The following CTNNA3 variants were observed in gnomAD, a reference collection of about 807,000 sequenced individuals.
The protein encoded by CTNNA3 is catenin alpha-3.
In CTNNA3, 76 loss-of-function variants were observed where a neutral mutation model predicts 95.7. The ratio of observed to expected loss-of-function variants is 0.79; its 90% confidence interval spans 0.66 to 0.96. The LOEUF (loss-of-function observed/expected upper bound fraction) is 0.96. Ranked by LOEUF, CTNNA3 falls within the 40% of genes least tolerant of loss-of-function variation. The probability of loss-of-function intolerance (pLI) is 0.00; values close to 1 mark genes in which losing one functional copy is unlikely to be tolerated. For missense variants in CTNNA3, 1,191 were observed against 1,089.8 expected (o/e 1.09, Z -1.31); for synonymous variants, 431 against 374.4 (o/e 1.15, Z -1.74).
intron 7 of CTNNA3, among the ~76,000 whole-genome samples, chr10:67,016,908 A>C (rs1056632070): frequency 2.6e-5 from 4 of 152,182 alleles, no homozygotes; most frequent in Non-Finnish European, 4.4e-5. Flanking sequence ...ATATCCTATC[A>C]AAATAAGTTT....
At chr10:65,994,770 T>C (rs1030350219) in intron 15 of CTNNA3, among the ~76,000 whole-genome samples, 1 of 152,166 alleles carries the variant, frequency 6.6e-6, no homozygotes, top group Non-Finnish European at 1.5e-5. Context: ...TCTCTTCAAC[T>C]TCTGGACTAT....
intron 5 of CTNNA3, among the ~76,000 whole-genome samples, chr10:67,423,881 A>C (rs1845828043): frequency 2.0e-5 from 3 of 152,178 alleles, no homozygotes. Flanking sequence ...TTGTTATCAA[A>C]AACGAAAGTG....
intron 6 of CTNNA3, among the ~76,000 whole-genome samples, chr10:67,207,141 C>T (rs1192361450): frequency 6.6e-6 from 1 of 151,896 alleles, no homozygotes; most frequent in African/African-American, 2.4e-5. Flanking sequence ...CATAACAAAA[C>T]AAAACAAAAA....
chr10:67,017,872 C>T (rs1380657560), intron 7 of CTNNA3, among the ~76,000 whole-genome samples: 1 of 151,982 alleles, frequency 6.6e-6, no homozygotes, highest in Non-Finnish European at 1.5e-5. Flanking sequence ...AGGGTTCAAG[C>T]GATTCTCCTG....
At chr10:66,780,896 T>C (rs890062267) in intron 7 of CTNNA3, among the ~76,000 whole-genome samples, 1 of 152,212 alleles carries the variant, frequency 6.6e-6, no homozygotes, top group African/African-American at 2.4e-5. Flanking sequence ...CCTTTCTAAC[T>C]TTAAAATTCT....
At chr10:66,809,050 A>G (rs930049373) in intron 7 of CTNNA3, among the ~76,000 whole-genome samples, 5 of 152,154 alleles carry the variant, frequency 3.3e-5, no homozygotes, top group African/African-American at 1.2e-4. Flanking sequence ...TATTATATGA[A>G]GACTCTCAGT....
chr10:66,702,773 G>A (rs183771960), intron 9 of CTNNA3, among the ~76,000 whole-genome samples: 129 of 148,398 alleles, frequency 8.7e-4, no homozygotes, highest in African/African-American at 2.8e-3. Context: ...AGCCATCGTC[G>A]TCGTCGTTGT....
At chr10:66,984,334 A>C (rs780664111) in intron 7 of CTNNA3, among the ~76,000 whole-genome samples, 5 of 152,228 alleles carry the variant, frequency 3.3e-5, no homozygotes, top group Non-Finnish European at 7.3e-5. Context: ...TATTCTTAGT[A>C]TGTGAATACA....
intron 5 of CTNNA3, among the ~76,000 whole-genome samples, chr10:67,361,814 A>G (rs1160682058): frequency 6.6e-6 from 1 of 152,124 alleles, no homozygotes; most frequent in Non-Finnish European, 1.5e-5. Context: ...AATCCACAAA[A>G]AGCAGCAACA....
At position 66,223,196 on chromosome 10, in the gene CTNNA3, T is replaced by C. The variant is rs1287179969; in HGVS notation, c.1884+57274A>G. Among the ~76,000 whole-genome samples, 4 of 152,014 alleles carry C rather than the reference T, an allele frequency of 2.6e-5. No homozygotes were observed. The South Asian group carries it at 8.3e-4, about 31-fold the overall frequency. On this transcript the variant is annotated intron_variant, in intron 13 of 17. Coordinates refer to ENST00000433211, the MANE Select transcript of CTNNA3 (RefSeq NM_013266.4). ...GTTTCTGGACATTAGGAAAAGTTAATATAGACGAGGGAAAATAAGTAAGGA... is the reference window on the plus strand; with the variant it reads ...GTTTCTGGACATTAGGAAAAGTTAACATAGACGAGGGAAAATAAGTAAGGA...
intron 13 of CTNNA3, among the ~76,000 whole-genome samples, chr10:66,133,452 G>T (rs1484777333): frequency 1.3e-5 from 2 of 152,016 alleles, no homozygotes; most frequent in African/African-American, 4.8e-5. Context: ...GTTGGAGGTT[G>T]CAGTGAGCCG....
At chr10:66,955,104 C>T (rs1315851391) in intron 7 of CTNNA3, among the ~76,000 whole-genome samples, 19 of 152,096 alleles carry the variant, frequency 1.2e-4, no homozygotes, top group Admixed American at 8.5e-4. Flanking sequence ...GGAAGACTTC[C>T]TCTAACCTCT....
chr10:67,105,861 C>A (rs575604699), intron 7 of CTNNA3, among the ~76,000 whole-genome samples: 1 of 152,296 alleles, frequency 6.6e-6, no homozygotes, highest in African/African-American at 2.4e-5. Context: ...TCTGAACTTG[C>A]ATATTATCTG....
intron 7 of CTNNA3, among the ~76,000 whole-genome samples, chr10:66,821,595 C>A (rs557697362): frequency 2.0e-5 from 3 of 152,262 alleles, no homozygotes; most frequent in South Asian, 4.2e-4. Flanking sequence ...AGAGCACTAT[C>A]CATTTTCAAC....
chr10:66,941,889 G>C (rs117631543), intron 7 of CTNNA3, among the ~76,000 whole-genome samples: 2 of 152,320 alleles, frequency 1.3e-5, no homozygotes, highest in East Asian at 3.9e-4. Flanking sequence ...CTTTAAGATA[G>C]ATGGGCCGGC....
chr10:66,642,706 G>A (rs1343712498), intron 9 of CTNNA3, among the ~76,000 whole-genome samples: 1 of 151,984 alleles, frequency 6.6e-6, no homozygotes, highest in African/African-American at 2.4e-5. Flanking sequence ...TTACCAATAA[G>A]CTTTTGTGTA....
chr10:67,607,104 T>C (rs1843304157), intron 2 of CTNNA3, 55 bp from the exon 3 acceptor site: 1 of 1,371,216 alleles, frequency 7.3e-7, no homozygotes, highest in African/African-American at 1.4e-5. Context: ...GAGAACACAG[T>C]CCTGGGATAT....
At chr10:66,196,760 C>T (rs1203203810) in intron 13 of CTNNA3, among the ~76,000 whole-genome samples, 13 of 152,188 alleles carry the variant, frequency 8.5e-5, no homozygotes, top group Middle Eastern at 3.4e-3. Context: ...GCAGGCAGAA[C>T]GGAGCAATGG....
intron 12 of CTNNA3, among the ~76,000 whole-genome samples, chr10:66,345,347 G>A (rs1182350923): frequency 2.0e-5 from 3 of 152,066 alleles, no homozygotes; most frequent in African/African-American, 4.8e-5. Context: ...TCTGAAAAAT[G>A]TTAAACAAAG....
Sources: gnomAD v4.1 joint callset for allele counts (sites outside exome capture counted in the v4.1 genomes callset) on GRCh38, gnomAD v4.1.1 for gene constraint, MANE v1.5 for transcripts, NCBI Gene and HGNC (gene_info 2026-07-23, HGNC 2026-07-21) for gene names.